CRISPLD2: variants seen among roughly 807,000 people sequenced by gnomAD.
CRISPLD2 encodes cysteine rich secretory protein LCCL domain containing 2, also known as cysteine-rich secretory protein LCCL domain-containing 2.
CRISPLD2 carries 47 observed loss-of-function variants against 71.1 expected under a neutral mutation model. That is an observed-to-expected ratio of 0.66 (90% confidence interval 0.52 to 0.84). The LOEUF (loss-of-function observed/expected upper bound fraction) is 0.84, where lower values mean the gene tolerates loss of function less well. Ranked by LOEUF, CRISPLD2 falls within the 40% of genes least tolerant of loss-of-function variation. CRISPLD2 has a pLI of 0.00. For missense variants in CRISPLD2, 830 were observed against 651.1 expected (o/e 1.27, Z -2.99); for synonymous variants, 317 against 250.1 (o/e 1.27, Z -2.52).
chr16:84,905,382 C>G (rs2071792425), intron 14 of CRISPLD2, among the ~76,000 whole-genome samples: 2 of 152,190 alleles, frequency 1.3e-5, no homozygotes, highest in South Asian at 2.1e-4. Flanking sequence ...GTATGTTAAA[C>G]TTAATAAAGT....
At chr16:84,839,198 C>T (rs144298729) in intron 2 of CRISPLD2, 1 of 336,542 alleles carries the variant, frequency 3.0e-6, no homozygotes, top group Non-Finnish European at 5.8e-6. Flanking sequence ...TGGCTCTGTT[C>T]TTAACATTCT....
Position 84,861,769 on chromosome 16 carries a change from A to T in CRISPLD2, c.710-5128A>T, listed in dbSNP as rs577556210. On this transcript the variant is annotated intron_variant, in intron 6 of 14. Coordinates refer to ENST00000262424, the MANE Select transcript of CRISPLD2 (RefSeq NM_031476.4). ...CGAGAACCCATCTCTACAAAAAATA[A>T]ATAGAAAATTAACCAGGTGTGGTCA... 3.3e-5 allele frequency among the ~76,000 whole-genome samples: 5 copies of T among 152,150 alleles called. No individual in the cohort carries two copies. The South Asian group carries it at 1.0e-3, about 32-fold the overall frequency.
rs1297496215 is a variant in CRISPLD2, at chr16:84,849,435, A to C, written c.410A>C (p.Asp137Ala). Residue 137 changes from aspartate to alanine, a missense_variant, in exon 4 of 15, where the codon GAC becomes GCC. By Grantham distance (126) the Asp-to-Ala change is moderately radical. Coordinates refer to ENST00000262424, the MANE Select transcript of CRISPLD2 (RefSeq NM_031476.4). ...HVQSWYDEVK[D>A]YTYPYPSECN... ...CAGTCCTGGTATGACGAGGTGAAGGACTACACCTACCCCTACCCGAGCGAG... is the reference window on the plus strand; with the variant it reads ...CAGTCCTGGTATGACGAGGTGAAGGCCTACACCTACCCCTACCCGAGCGAG... 6.2e-7 allele frequency: 1 copy of C among 1,614,012 alleles called. No homozygotes were observed. Among genetic ancestry groups the C allele is most frequent in the South Asian group, 1.1e-5 (1 of 91,080 alleles).
intron 1 of CRISPLD2, among the ~76,000 whole-genome samples, chr16:84,830,989 G>C (rs1320542739): frequency 6.6e-6 from 1 of 152,148 alleles, no homozygotes; most frequent in Non-Finnish European, 1.5e-5. Context: ...GTTTTTGCTT[G>C]GTTTTTGTTT....
At chr16:84,905,185 T>G (rs1462576577) in intron 14 of CRISPLD2, among the ~76,000 whole-genome samples, 1 of 152,126 alleles carries the variant, frequency 6.6e-6, no homozygotes, top group Non-Finnish European at 1.5e-5. Flanking sequence ...GAGGATCGCT[T>G]GCACTCAGGA....
intron 8 of CRISPLD2, among the ~76,000 whole-genome samples, chr16:84,871,419 G>T (rs2071468119): frequency 6.6e-6 from 1 of 152,142 alleles, no homozygotes; most frequent in East Asian, 1.9e-4. Context: ...CACACCTGTA[G>T]TCCCAGCTAC....
intron 6 of CRISPLD2, among the ~76,000 whole-genome samples, chr16:84,857,159 A>G (rs1917262371): frequency 1.3e-5 from 2 of 152,226 alleles, no homozygotes; most frequent in South Asian, 4.1e-4. Flanking sequence ...TAGCCAGGTC[A>G]GCCTTGGTGG....
At chr16:84,839,660 CT>C (rs1191974802) in intron 2 of CRISPLD2, 1 of 152,324 alleles carries the variant, frequency 6.6e-6, no homozygotes, top group Non-Finnish European at 1.5e-5. Context: ...TGGAAACTTC[CT>C]TCCTGGCTGG....
At chr16:84,878,231 G>A (rs13334651) in intron 12 of CRISPLD2, among the ~76,000 whole-genome samples, 8,349 of 151,010 alleles carry the variant, frequency 0.055, 756 homozygotes, top group African/African-American at 0.2. Flanking sequence ...CTCAAAAAAA[G>A]AAAAAAGTAC....
chr16:84,846,316 A>C (rs1187131669), intron 3 of CRISPLD2, among the ~76,000 whole-genome samples: 1 of 145,446 alleles, frequency 6.9e-6, no homozygotes, highest in African/African-American at 2.6e-5. Flanking sequence ...GCAGTGGCGC[A>C]ATCTCGGCTC....
intron 12 of CRISPLD2, among the ~76,000 whole-genome samples, chr16:84,878,054 CAAAAA>C (rs60773992): frequency 0.028 from 2,767 of 97,498 alleles, 101 homozygotes; most frequent in African/African-American, 0.09. Context: ...ACTAAAAATA[CAAAAA>C]AAAAAAAAAA....
chr16:84,886,691 C>T (rs901235860), intron 13 of CRISPLD2, among the ~76,000 whole-genome samples: 3 of 152,200 alleles, frequency 2.0e-5, no homozygotes, highest in African/African-American at 7.2e-5. Flanking sequence ...GGCGTGGTGG[C>T]GCATGCCTGC....
intron 1 of CRISPLD2, among the ~76,000 whole-genome samples, chr16:84,827,454 C>T (rs887930330): frequency 1.3e-5 from 2 of 152,176 alleles, no homozygotes; most frequent in South Asian, 4.1e-4. Flanking sequence ...CCATTCCTCC[C>T]CAGCTTCATG....
chr16:84,875,503 G>T (rs1476453920), intron 11 of CRISPLD2, among the ~76,000 whole-genome samples: 4 of 140,640 alleles, frequency 2.8e-5, no homozygotes, highest in South Asian at 2.2e-4. Flanking sequence ...TCTTTTTCCA[G>T]TGTGGCCTAG....
At chr16:84,856,514 T>C (rs1004404561) in intron 6 of CRISPLD2, among the ~76,000 whole-genome samples, 10 of 152,172 alleles carry the variant, frequency 6.6e-5, no homozygotes, top group African/African-American at 2.4e-4. Context: ...CAGAATGTAA[T>C]GTCACAGGAA....
intron 2 of CRISPLD2, chr16:84,840,078 A>C (rs1204601286): frequency 1.3e-5 from 2 of 152,198 alleles, no homozygotes; most frequent in Non-Finnish European, 2.9e-5. Context: ...CTTTGTGGGT[A>C]CAGGCATCAT....
At chr16:84,861,684 G>A (rs1452523480) in intron 6 of CRISPLD2, among the ~76,000 whole-genome samples, 2 of 152,132 alleles carry the variant, frequency 1.3e-5, no homozygotes. Flanking sequence ...ATCCAGTCAA[G>A]CTGACACTCA....
chr16:84,872,920 T>A (rs887494591), intron 9 of CRISPLD2, 72 bp from the exon 10 acceptor site: 2 of 1,533,902 alleles, frequency 1.3e-6, no homozygotes, highest in Non-Finnish European at 8.8e-7. Flanking sequence ...GACAAATGTT[T>A]GGGTATTTCT....
intron 8 of CRISPLD2, 32 bp from the exon 9 acceptor site, chr16:84,872,410 C>G (rs757377904): frequency 1.9e-6 from 3 of 1,582,080 alleles, no homozygotes; most frequent in Non-Finnish European, 1.7e-6. Context: ...ACGTGCTTAT[C>G]TCTGAACATC....
Sources: allele counts gnomAD v4.1 joint callset (sites outside exome capture counted in the v4.1 genomes callset), GRCh38; gene constraint gnomAD v4.1.1; transcripts MANE v1.5; gene names NCBI Gene and HGNC (gene_info 2026-07-23, HGNC 2026-07-21).